The following HEXD variants were observed in gnomAD, a reference collection of about 807,000 sequenced individuals.
HEXD encodes the protein N-acetyl-beta-galactosaminidase.
In HEXD, 47 loss-of-function variants were observed where a neutral mutation model predicts 54.2. The observed-to-expected ratio is 0.87, with a 90% CI of 0.69 to 1.11. The LOEUF is 1.11. HEXD is among the 50% of genes least tolerant of loss of function. The pLI is 0.00. For missense variants in HEXD, 576 were observed against 649.2 expected (o/e 0.89, Z 1.23); for synonymous variants, 293 against 287.6 (o/e 1.02, Z -0.19).
intron 4 of HEXD, 132 bp from the exon 5 acceptor site, chr17:82,433,526 C>T: frequency 1.2e-6 from 1 of 837,790 alleles, no homozygotes; most frequent in Non-Finnish European, 1.8e-6. Context: ...GCTGGGATTA[C>T]AGGACTGAGA....
At chr17:82,428,319 T>C (rs960031238) in intron 3 of HEXD, among the ~76,000 whole-genome samples, 1 of 152,128 alleles carries the variant, frequency 6.6e-6, no homozygotes, top group African/African-American at 2.4e-5. Context: ...ATGACTTCAT[T>C]CTCTTGTCGT....
chr17:82,420,984 C>A (rs117197258), intron 2 of HEXD, among the ~76,000 whole-genome samples: 1 of 152,090 alleles, frequency 6.6e-6, no homozygotes, highest in Admixed American at 6.6e-5. Context: ...TGGGACCAAA[C>A]CACAGACAGA....
intron 3 of HEXD, chr17:82,426,037 GT>G (rs35870253): frequency 0.48 from 73,191 of 152,138 alleles, 19,314 homozygotes; most frequent in East Asian, 0.9. Flanking sequence ...CTGGTGTTAG[GT>G]TTTTTTAAAG....
In HEXD at chr17:82,441,027, T is replaced by C. The variant is rs746920044; in HGVS notation, c.1013T>C (p.Val338Ala). ...TTTGATGAAGATGTTAAAGCGAAAG[T>C]GGAGAACCTTCTCGGGATTTCCAGC... ...GGFDEDVKAK[V>A]ENLLGISSLE... Residue 338 changes from valine to alanine, a missense_variant, in exon 10 of 13, where the codon GTG (valine) becomes GCG (alanine). Val to Ala is a moderately conservative substitution (Grantham distance 64, BLOSUM62 0). Transcript: ENST00000327949. The C allele has an allele frequency of 2.1e-5, 34 of 1,613,498 alleles. No individual in the cohort carries two copies. In the African/African-American group the frequency reaches 4.1e-4, roughly 20 times the overall value.
chr17:82,435,319 A>G (rs1047932158), intron 5 of HEXD, among the ~76,000 whole-genome samples: 2 of 151,932 alleles, frequency 1.3e-5, no homozygotes, highest in African/African-American at 4.8e-5. Flanking sequence ...CGAGTCACAC[A>G]GTGTATGACC....
intron 1 of HEXD, 70 bp from the exon 2 acceptor site, chr17:82,419,679 G>C (rs113708942): frequency 2.5e-4 from 144 of 579,448 alleles, no homozygotes; most frequent in African/African-American, 2.3e-3. Context: ...AACTGAAACT[G>C]AAAGTATAAG....
chr17:82,428,593 G>T lies in HEXD; in HGVS notation c.230G>T (p.Gly77Val). The T allele has an allele frequency of 1.9e-6, 3 of 1,613,508 alleles. No homozygotes were observed. Among genetic ancestry groups the T allele is most frequent in the Non-Finnish European group, 2.5e-6 (3 of 1,179,468 alleles). ...SEIKEILHLA[G>V]LNELEVIPLV... The stretch of plus-strand genomic sequence containing the variant: ...ATCAAAGAGATCTTGCATCTGGCTG[G>T]ACTCAATGAGCTGGAGGTGATTCCC... Residue 77 changes from glycine (G) to valine (V), a missense_variant, in exon 4 of 13, where the codon GGA (glycine) becomes GTA (valine). Coordinates refer to ENST00000327949, the MANE Select transcript of HEXD (RefSeq NM_001330542.2).
intron 4 of HEXD, among the ~76,000 whole-genome samples, chr17:82,429,783 TC>T (rs1427758406): frequency 1.3e-5 from 2 of 152,100 alleles, no homozygotes; most frequent in African/African-American, 2.4e-5. Flanking sequence ...CTCCTCTCGG[TC>T]CCTGTCCCCA....
At chr17:82,436,413 C>T (rs987570337) in intron 6 of HEXD, among the ~76,000 whole-genome samples, 2 of 152,232 alleles carry the variant, frequency 1.3e-5, no homozygotes, top group Non-Finnish European at 2.9e-5. Context: ...TCCATTCAGC[C>T]GCGTGCTCCA....
chr17:82,428,558 C>G lies in HEXD; in HGVS notation c.195C>G (p.Ser65Arg). 2 of 1,612,860 alleles carry G rather than the reference C, an allele frequency of 1.2e-6. No homozygotes were observed. The highest frequency in any genetic ancestry group is 1.7e-6 in the Non-Finnish European group (2 of 1,178,930). ...LRLLRAKYAY[S>R]PSEIKEILHL... ...CTCTCTATGAATTTTGTCTCTCCAG[C>G]CCCTCTGAAATCAAAGAGATCTTGC... The change falls in exon 4 of 13, where the codon AGC becomes AGG. Residue 65 changes from serine (S) to arginine (R), a missense_variant and splice_region_variant. Physicochemically the swap from Ser to Arg is moderately radical, Grantham distance 110. Transcript: ENST00000327949.
At chr17:82,437,662 C>T (rs1048365070) in intron 8 of HEXD, among the ~76,000 whole-genome samples, 4 of 151,974 alleles carry the variant, frequency 2.6e-5, no homozygotes, top group African/African-American at 7.3e-5. Flanking sequence ...GCTTGTGGCA[C>T]GAGGAGGGGT....
At position 82,441,030 on chromosome 17, in the gene HEXD, A is replaced by G. The variant is rs1361617810; in HGVS notation, c.1016A>G (p.Glu339Gly). Residue 339 changes from glutamate (E) to glycine (G), a missense_variant, in exon 10 of 13, where the codon GAG (glutamate) becomes GGG (glycine). By Grantham distance (98) the Glu-to-Gly change is moderately conservative. Coordinates refer to ENST00000327949, the MANE Select transcript of HEXD (RefSeq NM_001330542.2). ...GATGAAGATGTTAAAGCGAAAGTGG[A>G]GAACCTTCTCGGGATTTCCAGCCTG... ...GFDEDVKAKV[E>G]NLLGISSLEK... is the part of the protein sequence containing the mutation. 5.0e-6 allele frequency: 8 copies of G among 1,613,508 alleles called. No homozygotes were observed. Among genetic ancestry groups the G allele is most frequent in the Non-Finnish European group, 6.8e-6 (8 of 1,179,996 alleles).
chr17:82,439,888 G>C, intron 9 of HEXD, 175 bp downstream of exon 9: 1 of 1,532,420 alleles, frequency 6.5e-7, no homozygotes, highest in South Asian at 1.2e-5. Flanking sequence ...GTCCACCCAG[G>C]CTGGGCCTGT....
At chr17:82,422,049 C>T (rs1246538389) in intron 2 of HEXD, among the ~76,000 whole-genome samples, 1 of 151,706 alleles carries the variant, frequency 6.6e-6, no homozygotes, top group Non-Finnish European at 1.5e-5. Flanking sequence ...CGCCTGTAAT[C>T]CTGCTACTCG....
Position 82,442,274 on chromosome 17 carries a change from G to A in HEXD, c.1351G>A (p.Val451Met), listed in dbSNP as rs372216952. The A allele has an allele frequency of 6.8e-5, 110 of 1,606,996 alleles. No individual in the cohort carries two copies. Among genetic ancestry groups the A allele is most frequent in the Middle Eastern group, 3.3e-4 (2 of 6,062 alleles). The change falls in exon 13 of 13, where the codon GTG becomes ATG. Residue 451 changes from valine to methionine, a missense_variant. By Grantham distance (21) the Val-to-Met change is conservative. Transcript: ENST00000327949. This position sits in a 1 kb window ranked among gnomAD's most constrained non-coding sequence, Gnocchi z 6.8. Reference sequence around the variant, plus strand: ...CGTGGAGGAGTGGCTGGAGGAAAACGTGCACCCCAGCCTGCAGCGGCTGCA... The same window carrying A: ...CGTGGAGGAGTGGCTGGAGGAAAACATGCACCCCAGCCTGCAGCGGCTGCA... ...DAVEEWLEENVHPSLQRLQAL... is the reference protein window; with the variant it reads ...DAVEEWLEENMHPSLQRLQAL...
chr17:82,418,390 C>T lies in HEXD; in HGVS notation c.-402C>T. On this transcript the variant is annotated 5_prime_UTR_variant, in exon 1 of 13. Transcript: ENST00000327949. The stretch of plus-strand genomic sequence containing the variant: ...GCCCTGTCCGCCGCCGCAGCGCGCG[C>T]CCTTCCCCTCCTCACCGCTACCTGC... The T allele has an allele frequency of 6.8e-7, 1 of 1,466,508 alleles. No individual in the cohort carries two copies. The highest frequency in any genetic ancestry group is 9.0e-7 in the Non-Finnish European group (1 of 1,110,462). The allele number at this position is 1,466,508 out of a possible 1,614,324, so 90.8% of individuals were successfully genotyped here. A position where few individuals can be genotyped will look rare whatever the true frequency, so the allele number is the denominator to read the frequency against.
chr17:82,435,720 G>A lies in HEXD; in HGVS notation c.479G>A (p.Arg160His), dbSNP rs573942733. 37 of 1,612,704 alleles carry A rather than the reference G, an allele frequency of 2.3e-5. No homozygotes were observed. Among genetic ancestry groups the A allele is most frequent in the African/African-American group, 1.5e-4 (11 of 75,054 alleles). The change falls in exon 6 of 13, where the codon CGC (arginine) becomes CAC (histidine). Residue 160 changes from arginine to histidine, a missense_variant. Physicochemically the swap from Arg to His is conservative, Grantham distance 29 (BLOSUM62 0). Coordinates refer to ENST00000327949, the MANE Select transcript of HEXD (RefSeq NM_001330542.2). ...VYYLGEGEAS[R>H]RWLQQEQNST... ...TACCTCGGAGAGGGGGAGGCCTCGC[G>A]CCGGTGGCTACAGCAAGAGCAGAAC...
Position 82,433,094 on chromosome 17 carries a change from ATATAT to A in HEXD, c.283-563_283-559del. 1.2e-3 allele frequency among the ~76,000 whole-genome samples: 10 copies of A among 8,312 alleles called. 2 individuals are homozygous for A. Among genetic ancestry groups the A allele is most frequent in the East Asian group, 0.083 (1 of 12 alleles). The allele number at this position is 8,312 out of a possible 152,430, so 5.5% of individuals were successfully genotyped here. On this transcript the variant is annotated intron_variant, in intron 4 of 12. Transcript: ENST00000327949. Reference sequence around the variant, plus strand: ...AAAAAAAAGAAAAAAAAAAAAAAATATATATATATATATATATATATATATATATA... The same window carrying A: ...AAAAAAAAGAAAAAAAAAAAAAAATAATATATATATATATATATATATATA...
At chr17:82,426,115 A>C (rs1599727223) in intron 3 of HEXD, 2 of 152,504 alleles carry the variant, frequency 1.3e-5, no homozygotes, top group East Asian at 3.8e-4. Flanking sequence ...GGTATAGTGC[A>C]GAAACCTACA....
Sources: gnomAD v4.1 joint callset for allele counts (sites outside exome capture counted in the v4.1 genomes callset) on GRCh38, gnomAD v4.1.1 for gene constraint, Gnocchi (gnomAD v3.1) non-coding constraint, MANE v1.5 for transcripts, NCBI Gene and HGNC (gene_info 2026-07-23, HGNC 2026-07-21) for gene names.